Variants in TLL1 observed in about 807,000 individuals in gnomAD.
TLL1 encodes tolloid like 1.
A neutral mutation model predicts 128.2 loss-of-function variants in TLL1; 49 were observed. The ratio of observed to expected loss-of-function variants is 0.38; its 90% CI spans 0.30 to 0.48. TLL1 has a LOEUF of 0.48. Among genes scored for constraint, TLL1 ranks in the 20% least tolerant of loss-of-function variants. The pLI is 0.96. For synonymous variants in TLL1, 454 were observed against 418.8 expected (o/e 1.08, Z -1.03); for missense variants, 1,123 against 1,242.0 (o/e 0.90, Z 1.44).
At chr4:166,043,814 C>CTTT (rs35370029) in intron 12 of TLL1, among the ~76,000 whole-genome samples, 216 of 148,220 alleles carry the variant, frequency 1.5e-3, no homozygotes, top group Middle Eastern at 3.5e-3. Context: ...CATTTTTCAC[C>CTTT]TTTTTTTTTT....
chr4:166,016,753 A>G (rs909631320), intron 8 of TLL1, among the ~76,000 whole-genome samples: 4 of 152,030 alleles, frequency 2.6e-5, no homozygotes, highest in Non-Finnish European at 5.9e-5. Flanking sequence ...ATTACAGCTA[A>G]TAAAGTACCG....
chr4:165,979,013 G>A (rs934836820), intron 1 of TLL1, among the ~76,000 whole-genome samples: 8 of 151,924 alleles, frequency 5.3e-5, no homozygotes, highest in African/African-American at 1.7e-4. Flanking sequence ...TATTGTCCAA[G>A]GGTCTTTGGG....
chr4:165,934,080 C>A (rs557752943), intron 1 of TLL1, among the ~76,000 whole-genome samples: 32 of 152,034 alleles, frequency 2.1e-4, no homozygotes, highest in African/African-American at 7.7e-4. Context: ...CTCACTGCAA[C>A]CTCTGCCTCC....
At chr4:165,924,297 G>A (rs1733174472) in intron 1 of TLL1, among the ~76,000 whole-genome samples, 1 of 152,148 alleles carries the variant, frequency 6.6e-6, no homozygotes, top group Non-Finnish European at 1.5e-5. Context: ...CCCAAGTTTT[G>A]AATGCAAAGG....
At chr4:166,072,104 C>T (rs1740823391) in intron 16 of TLL1, among the ~76,000 whole-genome samples, 1 of 151,930 alleles carries the variant, frequency 6.6e-6, no homozygotes, top group Non-Finnish European at 1.5e-5. Flanking sequence ...GATATAATAA[C>T]TTTCTTCTGC....
intron 1 of TLL1, among the ~76,000 whole-genome samples, chr4:165,976,724 G>A (rs1735900975): frequency 6.6e-6 from 1 of 152,162 alleles, no homozygotes; most frequent in African/African-American, 2.4e-5. Flanking sequence ...TTAGATATAT[G>A]ACAGAGACAG....
chr4:165,986,573 T>C (rs1474741101), intron 1 of TLL1, among the ~76,000 whole-genome samples: 1 of 152,082 alleles, frequency 6.6e-6, no homozygotes, highest in Non-Finnish European at 1.5e-5. Flanking sequence ...CAATTTATGG[T>C]GTATTCATCA....
chr4:165,975,027 A>C (rs1735809786), intron 1 of TLL1, among the ~76,000 whole-genome samples: 1 of 152,180 alleles, frequency 6.6e-6, no homozygotes, highest in African/African-American at 2.4e-5. Flanking sequence ...GGTCTTAGAC[A>C]AATCTGAAAC....
At position 165,928,535 on chromosome 4, in the gene TLL1, C is replaced by T. The variant is rs551681637; in HGVS notation, c.169+54462C>T. Among the ~76,000 whole-genome samples, 5 of 152,252 alleles carry T rather than the reference C, an allele frequency of 3.3e-5. No homozygotes were observed. In the East Asian group the frequency reaches 9.7e-4, roughly 29 times the overall value. ...GCAAAAGGAACAGCAAAAGCTAAAG[C>T]TTAGAATTACAAAAAGCCCTGGGAT... On this transcript the variant is annotated intron_variant, in intron 1 of 20. Transcript: ENST00000061240.
chr4:165,890,646 TG>T (rs2110830219), intron 1 of TLL1, among the ~76,000 whole-genome samples: 1 of 152,338 alleles, frequency 6.6e-6, no homozygotes, highest in South Asian at 2.1e-4. Context: ...ACACAAGAGG[TG>T]GGCTCCCATG....
chr4:165,918,379 A>G (rs1052663424), intron 1 of TLL1, among the ~76,000 whole-genome samples: 1 of 152,036 alleles, frequency 6.6e-6, no homozygotes. Context: ...GGAATTTCAG[A>G]TTTGTGGTTT....
chr4:165,889,229 T>G (rs2110827328), intron 1 of TLL1, among the ~76,000 whole-genome samples: 1 of 152,320 alleles, frequency 6.6e-6, no homozygotes, highest in East Asian at 1.9e-4. Context: ...TAAATGGCTT[T>G]ATTTGAAACT....
chr4:165,908,552 C>A (rs1048831251), intron 1 of TLL1, among the ~76,000 whole-genome samples: 44 of 143,372 alleles, frequency 3.1e-4, no homozygotes, highest in African/African-American at 1.0e-3. Flanking sequence ...TGTACTCCAG[C>A]AGCCTGGGTG....
chr4:166,041,748 G>A (rs138116179), intron 10 of TLL1, among the ~76,000 whole-genome samples: 8 of 152,122 alleles, frequency 5.3e-5, no homozygotes, highest in Middle Eastern at 6.8e-3. Flanking sequence ...TTCAAATATT[G>A]TTTTTGAGTA....
In TLL1 at chr4:166,091,298, T is replaced by A; in HGVS notation, c.2613T>A (p.Asp871Glu). ...AAATGTTTGTTCGGTTTGTTTCTGA[T>A]GCATCTGTTCAAAGAAAAGGCTTTC... ...GNKMFVRFVS[D>E]ASVQRKGFQA... is the part of the protein sequence containing the mutation. The change falls in exon 19 of 21, where the codon GAT (aspartate) becomes GAA (glutamate). Residue 871 changes from aspartate to glutamate, a missense_variant. Transcript: ENST00000061240. 1.2e-6 allele frequency: 2 copies of A among 1,613,052 alleles called. No individual in the cohort carries two copies. The highest frequency in any genetic ancestry group is 1.1e-5 in the South Asian group (1 of 91,054).
chr4:165,953,060 T>C (rs1204346944), intron 1 of TLL1, among the ~76,000 whole-genome samples: 1 of 152,090 alleles, frequency 6.6e-6, no homozygotes, highest in Non-Finnish European at 1.5e-5. Flanking sequence ...CAAATCAAAA[T>C]GAAGGTCAGA....
chr4:166,037,210 A>C (rs897868836), intron 9 of TLL1, among the ~76,000 whole-genome samples: 5 of 151,890 alleles, frequency 3.3e-5, no homozygotes, highest in Admixed American at 6.5e-5. Context: ...ACACAAAGTT[A>C]AAGGGAAAAA....
chr4:165,943,567 A>G (rs906684155), intron 1 of TLL1, among the ~76,000 whole-genome samples: 2 of 152,192 alleles, frequency 1.3e-5, no homozygotes, highest in South Asian at 4.1e-4. Flanking sequence ...CCTTTAAAAT[A>G]CTCATGCCAG....
chr4:165,892,897 T>A (rs1731490311), intron 1 of TLL1, among the ~76,000 whole-genome samples: 1 of 152,224 alleles, frequency 6.6e-6, no homozygotes, highest in Non-Finnish European at 1.5e-5. Flanking sequence ...AAGAAATTAT[T>A]CTGACCTTAT....
Sources: allele counts gnomAD v4.1 joint callset (sites outside exome capture counted in the v4.1 genomes callset), GRCh38; gene constraint gnomAD v4.1.1; transcripts MANE v1.5; gene names NCBI Gene and HGNC (gene_info 2026-07-23, HGNC 2026-07-21).